HUS1: variants seen among roughly 807,000 people sequenced by gnomAD.
HUS1 encodes checkpoint protein HUS1.
Under a neutral mutation model 32.6 loss-of-function variants are expected in HUS1, and 31 were observed. The ratio of observed to expected loss-of-function variants is 0.95; its 90% confidence interval spans 0.72 to 1.28. The LOEUF (loss-of-function observed/expected upper bound fraction) is 1.28. Ranked by LOEUF, HUS1 falls within the 50% of genes most tolerant of loss-of-function variation. The pLI is 0.00. For missense variants in HUS1, 340 were observed against 337.7 expected (o/e 1.01, Z -0.05); for synonymous variants, 123 against 116.6 (o/e 1.06, Z -0.36).
intron 6 of HUS1, among the ~76,000 whole-genome samples, chr7:47,968,472 T>C (rs1052803668): frequency 1.3e-5 from 2 of 152,224 alleles, no homozygotes; most frequent in Non-Finnish European, 2.9e-5. Flanking sequence ...TCCAACTCTA[T>C]GCTAAAATCT....
chr7:47,971,348 C>A (rs942876285), intron 5 of HUS1: 2 of 372,276 alleles, frequency 5.4e-6, no homozygotes, highest in Non-Finnish European at 1.1e-5. Flanking sequence ...AAACTCCACA[C>A]GCCCAGGCTA....
intron 5 of HUS1, among the ~76,000 whole-genome samples, chr7:47,975,158 G>GA (rs3176532): frequency 0.8 from 120,847 of 151,608 alleles, 48,703 homozygotes; most frequent in East Asian, 0.98. Flanking sequence ...CTAAAAATAC[G>GA]AAACAAAAAA....
Position 47,978,439 on chromosome 7 carries a change from C to A in HUS1, c.335G>T (p.Cys112Phe), listed in dbSNP as rs1359145415. 3 of 1,614,026 alleles carry A rather than the reference C, an allele frequency of 1.9e-6. No homozygotes were observed. Among genetic ancestry groups the A allele is most frequent in the Admixed American group, 3.3e-5 (2 of 60,014 alleles). Reference sequence around the variant, plus strand: ...CACCAGCTCCACGGAGACCGTGAGGCAGGGAAAGTGTTTATTAGTCAGTTT... The same window carrying A: ...CACCAGCTCCACGGAGACCGTGAGGAAGGGAAAGTGTTTATTAGTCAGTTT... ...KIKLTNKHFP[C>F]LTVSVELLSM... The change falls in exon 3 of 8, where the codon TGC (cysteine) becomes TTC (phenylalanine). Residue 112 changes from cysteine to phenylalanine, a missense_variant. Transcript: ENST00000258774.
rs1788691927 is a variant in HUS1, at chr7:47,975,810, C to T, written c.466-123G>A. The T allele has an allele frequency of 2.6e-5, 15 of 586,238 alleles. 1 individual carries two copies. The South Asian group carries it at 2.9e-4, about 11-fold the overall frequency. 36.3% of individuals were successfully genotyped at this position (586,238 alleles called of 1,614,324 possible). On this transcript the variant is annotated intron_variant, in intron 4 of 7. Transcript: ENST00000258774. ...TCAAAAACTATGGGATACTATTTTACAATTTTCTGAATAAAGTTCTTTTAA... is the reference window on the plus strand; with the variant it reads ...TCAAAAACTATGGGATACTATTTTATAATTTTCTGAATAAAGTTCTTTTAA...
At position 47,965,269 on chromosome 7, in the gene HUS1, AG is replaced by A; in HGVS notation, c.*86del. ...CAGTGTGTCGATGTGCGGTGCTGTGAGGGCACAGACCAGTGATCAGAACACA... is the reference window on the plus strand; with the variant it reads ...CAGTGTGTCGATGTGCGGTGCTGTGAGGCACAGACCAGTGATCAGAACACA... On this transcript the variant is annotated 3_prime_UTR_variant, in exon 8 of 8. Transcript: ENST00000258774. The A allele has an allele frequency of 1.2e-6, 1 of 839,418 alleles. No homozygotes were observed. 52.0% of individuals were successfully genotyped at this position (839,418 alleles called of 1,614,324 possible). A position where few individuals can be genotyped will look rare whatever the true frequency, so the allele number is the denominator to read the frequency against.
chr7:47,964,857 G>A lies in HUS1; in HGVS notation c.*499C>T, dbSNP rs957993399. On this transcript the variant is annotated 3_prime_UTR_variant, in exon 8 of 8. Coordinates refer to ENST00000258774, the MANE Select transcript of HUS1 (RefSeq NM_004507.4). ...CCCCACAGTGCTCTGAGTAACCAAGGCAGTGGCGGCGGGGTGACAGAGGCT... is the reference window on the plus strand; with the variant it reads ...CCCCACAGTGCTCTGAGTAACCAAGACAGTGGCGGCGGGGTGACAGAGGCT... The A allele has an allele frequency of 6.4e-6, 1 of 156,368 alleles. No homozygotes were observed. Among genetic ancestry groups the A allele is most frequent in the African/African-American group, 2.4e-5 (1 of 41,508 alleles). The allele number at this position is 156,368 out of a possible 1,614,324, so 9.7% of individuals were successfully genotyped here. A position where few individuals can be genotyped will look rare whatever the true frequency, so the allele number is the denominator to read the frequency against.
intron 7 of HUS1, among the ~76,000 whole-genome samples, chr7:47,965,913 G>A (rs1788468215): frequency 6.6e-6 from 1 of 152,008 alleles, no homozygotes. Context: ...TAAAATCCAA[G>A]GCATCAGGCA....
chr7:47,975,007 T>C (rs1395453623), intron 5 of HUS1, among the ~76,000 whole-genome samples: 1 of 152,114 alleles, frequency 6.6e-6, no homozygotes, highest in Non-Finnish European at 1.5e-5. Flanking sequence ...ACGGGCACGT[T>C]AGCAGGTAAA....
At chr7:47,978,197 TG>T (rs1788747406) in intron 3 of HUS1, 1 of 433,694 alleles carries the variant, frequency 2.3e-6, no homozygotes. Context: ...TTTCACGGCT[TG>T]GAAAAAGCAG....
chr7:47,975,781 A>C, intron 4 of HUS1, 94 bp from the exon 5 acceptor site: 1 of 666,814 alleles, frequency 1.5e-6, no homozygotes, highest in South Asian at 1.8e-5. Context: ...GAACACATGC[A>C]TGCTCAAAAA....
intron 6 of HUS1, 97 bp downstream of exon 6, chr7:47,969,122 T>TGG: frequency 1.6e-6 from 1 of 643,964 alleles, no homozygotes; most frequent in South Asian, 1.9e-5. Context: ...CAAAGTCAAC[T>TGG]GAATTTCAAC....
chr7:47,971,404 T>G (rs1023427121), intron 5 of HUS1: 2 of 454,364 alleles, frequency 4.4e-6, no homozygotes, highest in Non-Finnish European at 4.4e-6. Flanking sequence ...ACCCCTCTTC[T>G]ACTCCTGCTC....
At chr7:47,976,372 T>C (rs1224660433) in intron 4 of HUS1, 2 of 461,464 alleles carry the variant, frequency 4.3e-6, no homozygotes, top group East Asian at 6.8e-5. Context: ...TTCTTGGCTT[T>C]CGTGCACATC....
chr7:47,971,305 T>C (rs1358426214), intron 5 of HUS1: 3 of 332,902 alleles, frequency 9.0e-6, no homozygotes, highest in Non-Finnish European at 1.2e-5. Flanking sequence ...CTGGGGCTGC[T>C]GTTGGGTTAC....
At chr7:47,978,160 C>A in intron 3 of HUS1, 4 of 383,792 alleles carry the variant, frequency 1.0e-5, no homozygotes, top group South Asian at 9.9e-5. Flanking sequence ...GTGACAATAC[C>A]ACTACAAGAA....
Position 47,979,511 on chromosome 7 carries a change from A to T in HUS1, c.9T>A (p.Phe3Leu). Residue 3 changes from phenylalanine to leucine, a missense_variant, in exon 1 of 8, where the codon TTT becomes TTA. Transcript: ENST00000258774. Reference sequence around the variant, plus strand: ...AGGCCCCGTCCACGATCTTGGCCCGAAACTTCATGGCCGCGGATGGCGCAG... The same window carrying T: ...AGGCCCCGTCCACGATCTTGGCCCGTAACTTCATGGCCGCGGATGGCGCAG... The part of the protein sequence containing the change: MK[F>L]RAKIVDGACL... The T allele has an allele frequency of 3.1e-6, 5 of 1,612,080 alleles. No individual in the cohort carries two copies. Among genetic ancestry groups the T allele is most frequent in the Non-Finnish European group, 4.2e-6 (5 of 1,179,834 alleles).
In HUS1 at chr7:47,974,571, C is replaced by T. The variant is rs538100416; in HGVS notation, c.540+1042G>A. Among the ~76,000 whole-genome samples the T allele has an allele frequency of 3.0e-4, 43 of 143,492 alleles. 1 individual carries two copies. In the South Asian group the frequency reaches 9.6e-3, roughly 32 times the overall value. The allele number at this position is 143,492 out of a possible 152,430, so 94.1% of individuals were successfully genotyped here. Reference sequence around the variant, plus strand: ...AACAGAGATGTGGCTATAAAGGTGGCCTGGTACACTGTCAAGATCAAAAGT... The same window carrying T: ...AACAGAGATGTGGCTATAAAGGTGGTCTGGTACACTGTCAAGATCAAAAGT... On this transcript the variant is annotated intron_variant, in intron 5 of 7. Coordinates refer to ENST00000258774, the MANE Select transcript of HUS1 (RefSeq NM_004507.4).
chr7:47,979,249 C>T (rs1257739877), intron 1 of HUS1, among the ~76,000 whole-genome samples: 1 of 152,048 alleles, frequency 6.6e-6, no homozygotes, highest in Admixed American at 6.5e-5. Context: ...AGAAACGTCC[C>T]TTGAAAGCCG....
At position 47,963,475 on chromosome 7, in the gene HUS1, T is replaced by C. The variant is rs960575687; in HGVS notation, c.*1881A>G. 6.6e-6 allele frequency: 1 copy of C among 152,260 alleles called. No individual in the cohort carries two copies. The highest frequency in any genetic ancestry group is 1.5e-5 in the Non-Finnish European group (1 of 68,046). 9.4% of individuals were successfully genotyped at this position (152,260 alleles called of 1,614,324 possible). A position where few individuals can be genotyped will look rare whatever the true frequency, so the allele number is the denominator to read the frequency against. On this transcript the variant is annotated 3_prime_UTR_variant, in exon 8 of 8. Transcript: ENST00000258774. ...AAAACTACTTTCAGATATTGTTTCA[T>C]TTTGTATCATGATTTTTAAGTTTTC...
Sources: allele counts gnomAD v4.1 joint callset (sites outside exome capture counted in the v4.1 genomes callset), GRCh38; gene constraint gnomAD v4.1.1; transcripts MANE v1.5; gene names NCBI Gene and HGNC (gene_info 2026-07-23, HGNC 2026-07-21).